Variants in ZNF131 observed in about 807,000 individuals in gnomAD.
ZNF131 encodes the protein zinc finger and BTB domain containing 35, also known as zinc finger protein 131.
ZNF131 carries 7 observed loss-of-function variants against 60.0 expected under a neutral mutation model. That is an observed-to-expected ratio of 0.12 (90% CI 0.07 to 0.22). The LOEUF (loss-of-function observed/expected upper bound fraction) is 0.22, where lower values mean the gene tolerates loss of function less well. Ranked by LOEUF, ZNF131 falls within the 10% of genes least tolerant of loss-of-function variation. The probability of loss-of-function intolerance (pLI) is 1.00; values close to 1 mark genes in which losing one functional copy is unlikely to be tolerated. For missense variants in ZNF131, 493 were observed against 740.9 expected (o/e 0.67, Z 3.88); for synonymous variants, 257 against 253.2 (o/e 1.01, Z -0.14).
At chr5:43,171,506 T>C (rs886615204) in intron 5 of ZNF131, among the ~76,000 whole-genome samples, 5 of 152,096 alleles carry the variant, frequency 3.3e-5, no homozygotes, top group Admixed American at 3.3e-4. Flanking sequence ...AACTCTGAGC[T>C]GAGATCATGC....
Position 43,139,227 on chromosome 5 carries a change from C to A in ZNF131, c.289C>A (p.Gln97Lys). 1 of 1,612,428 alleles carries A rather than the reference C, an allele frequency of 6.2e-7. No homozygotes were observed. The highest frequency in any genetic ancestry group is 1.1e-5 in the South Asian group (1 of 90,786). ...CACATATACAGCAAAATTAATGATA[C>A]AAGGAGAAGAAGAAGCCAATGATGT... The part of the protein sequence containing the change: ...EFTYTAKLMI[Q>K]GEEEANDVWK... The change falls in exon 4 of 7, where the codon CAA becomes AAA. Residue 97 changes from glutamine (Q) to lysine (K), a missense_variant. By Grantham distance (53) the Gln-to-Lys change is moderately conservative (BLOSUM62 1). Around this residue, in one of 7 missense-constraint regions of ZNF131, gnomAD observed 66 missense variants for 148.0 expected, o/e 0.45. Coordinates refer to ENST00000682664, the MANE Select transcript of ZNF131 (RefSeq NM_001330707.2).
At chr5:43,131,578 G>A (rs1745361871) in intron 3 of ZNF131, among the ~76,000 whole-genome samples, 1 of 152,172 alleles carries the variant, frequency 6.6e-6, no homozygotes. Flanking sequence ...GACTTGAGCA[G>A]GAAAGCAGAG....
At chr5:43,158,031 C>G (rs1232444159) in intron 4 of ZNF131, among the ~76,000 whole-genome samples, 2 of 152,150 alleles carry the variant, frequency 1.3e-5, no homozygotes, top group Non-Finnish European at 2.9e-5. Flanking sequence ...TGCAGTGGTG[C>G]CATCTTGGCT....
intron 4 of ZNF131, among the ~76,000 whole-genome samples, chr5:43,145,595 G>GTA (rs1747478283): frequency 1.3e-5 from 2 of 152,036 alleles, no homozygotes; most frequent in Admixed American, 6.6e-5. Flanking sequence ...GGAGGTTGCA[G>GTA]TAAGCCAAGA....
At chr5:43,166,725 G>A (rs782989) in intron 5 of ZNF131, among the ~76,000 whole-genome samples, 40,638 of 151,616 alleles carry the variant, frequency 0.27, 5,969 homozygotes, top group East Asian at 0.63. Flanking sequence ...GCGTGATCTC[G>A]GCTCACTGCA....
At chr5:43,159,271 A>T (rs1213228407) in intron 4 of ZNF131, among the ~76,000 whole-genome samples, 2 of 152,172 alleles carry the variant, frequency 1.3e-5, no homozygotes, top group African/African-American at 4.8e-5. Context: ...TACTGCAAAC[A>T]TCCAAACCGA....
At chr5:43,160,002 C>G (rs568524570) in intron 4 of ZNF131, among the ~76,000 whole-genome samples, 2 of 151,842 alleles carry the variant, frequency 1.3e-5, no homozygotes, top group Non-Finnish European at 2.9e-5. Flanking sequence ...CGGTGAAACC[C>G]CATCTCTACT....
chr5:43,141,678 C>G (rs10050506), intron 4 of ZNF131, among the ~76,000 whole-genome samples: 151,953 of 152,070 alleles, frequency 1, 75,918 homozygotes, highest in Middle Eastern at 1. Context: ...TGAGGTGGTA[C>G]GATCGCTTGA....
intron 3 of ZNF131, among the ~76,000 whole-genome samples, chr5:43,131,463 G>T (rs182223219): frequency 6.6e-6 from 1 of 152,172 alleles, no homozygotes; most frequent in South Asian, 2.1e-4. Context: ...GTGAGCCACC[G>T]CGCCTGGCCC....
In ZNF131 at chr5:43,170,718, C is replaced by T. The variant is rs538800176; in HGVS notation, c.1055-2600C>T. 4.8e-4 allele frequency among the ~76,000 whole-genome samples: 72 copies of T among 150,248 alleles called. 2 individuals are homozygous for T. The Middle Eastern group carries it at 0.027, about 57-fold the overall frequency. On this transcript the variant is annotated intron_variant, in intron 5 of 6. Transcript: ENST00000682664. ...TGCAATCTCGGCTCACTGCAACCTCCGCCTCCCAGGTTCAAGTGATTCTCC... is the reference window on the plus strand; with the variant it reads ...TGCAATCTCGGCTCACTGCAACCTCTGCCTCCCAGGTTCAAGTGATTCTCC...
At chr5:43,121,317 C>G (rs1743763752) in intron 1 of ZNF131, among the ~76,000 whole-genome samples, 194 bp downstream of exon 1, 1 of 152,192 alleles carries the variant, frequency 6.6e-6, no homozygotes, top group Admixed American at 6.5e-5. Flanking sequence ...CAGCTTCTGG[C>G]CCTGCCAGGC....
Position 43,162,568 on chromosome 5 carries a change from G to A in ZNF131, c.1054+637G>A, listed in dbSNP as rs553703173. 1.8e-4 allele frequency among the ~76,000 whole-genome samples: 24 copies of A among 136,806 alleles called. No homozygotes were observed. The South Asian group carries it at 4.9e-3, about 28-fold the overall frequency. The allele number at this position is 136,806 out of a possible 152,430, so 89.8% of individuals were successfully genotyped here. A position where few individuals can be genotyped will look rare whatever the true frequency, so the allele number is the denominator to read the frequency against. On this transcript the variant is annotated intron_variant, in intron 5 of 6. Coordinates refer to ENST00000682664, the MANE Select transcript of ZNF131 (RefSeq NM_001330707.2). ...GATCATGCCACTGCACTCCAGCCTG[G>A]TCAATAGAGTGAGACTCCATCTTAA... is the stretch of plus-strand genomic sequence containing the variant.
chr5:43,157,665 A>G (rs1213320550), intron 4 of ZNF131, among the ~76,000 whole-genome samples: 2 of 152,244 alleles, frequency 1.3e-5, no homozygotes, highest in African/African-American at 2.4e-5. Context: ...ACAAAGTACC[A>G]TAAACTGGAT....
At chr5:43,151,915 T>C (rs1216625835) in intron 4 of ZNF131, among the ~76,000 whole-genome samples, 3 of 152,208 alleles carry the variant, frequency 2.0e-5, no homozygotes, top group Non-Finnish European at 4.4e-5. Flanking sequence ...CAATGTAGTC[T>C]CCTTTCCCAG....
At chr5:43,158,060 C>G (rs1361380010) in intron 4 of ZNF131, among the ~76,000 whole-genome samples, 1 of 152,152 alleles carries the variant, frequency 6.6e-6, no homozygotes, top group Non-Finnish European at 1.5e-5. Context: ...CCTCCACCTT[C>G]TGGGTTCAAG....
At chr5:43,160,498 C>A (rs935459469) in intron 4 of ZNF131, among the ~76,000 whole-genome samples, 3 of 152,010 alleles carry the variant, frequency 2.0e-5, no homozygotes, top group Non-Finnish European at 4.4e-5. Flanking sequence ...AGAAATCTTT[C>A]ACTAACCAAT....
rs6869193 is a variant in ZNF131 at position 43,167,658 on chromosome 5, T to C, written c.1055-5660T>C. Among the ~76,000 whole-genome samples the C allele has an allele frequency of 2.2e-3, 333 of 152,338 alleles. 2 individuals are homozygous for C. The highest frequency in any genetic ancestry group is 7.6e-3 in the African/African-American group (315 of 41,572). On this transcript the variant is annotated intron_variant, in intron 5 of 6. Transcript: ENST00000682664. ...TTTATTTTTATTTGGAAAATAGTAA[T>C]GATAATGCCATATACCACTAGGCCA...
At chr5:43,145,521 G>T (rs1008732022) in intron 4 of ZNF131, among the ~76,000 whole-genome samples, 1 of 152,076 alleles carries the variant, frequency 6.6e-6, no homozygotes, top group African/African-American at 2.4e-5. Context: ...GGACATGGTG[G>T]CACGCCCCTG....
chr5:43,170,677 GGCTGGAGTGCAGTGGT>G (rs1218061931), intron 5 of ZNF131, among the ~76,000 whole-genome samples: 1 of 148,024 alleles, frequency 6.8e-6, no homozygotes, highest in East Asian at 2.0e-4. Flanking sequence ...CGGTCACCCA[GGCTGGAGTGCAGTGGT>G]GCAATCTCGG....
Sources: gnomAD v4.1 joint callset for allele counts (sites outside exome capture counted in the v4.1 genomes callset) on GRCh38, gnomAD v4.1.1 for gene constraint, gnomAD v4.1.1 regional missense constraint, MANE v1.5 for transcripts, NCBI Gene and HGNC (gene_info 2026-07-23, HGNC 2026-07-21) for gene names.